The following SYNE2 variants were observed in gnomAD, a reference collection of about 807,000 sequenced individuals.
SYNE2 encodes spectrin repeat containing nuclear envelope protein 2.
A neutral mutation model predicts 856.3 loss-of-function variants in SYNE2; 431 were observed. That is an observed-to-expected ratio of 0.50 (90% CI 0.47 to 0.55). SYNE2 has a LOEUF of 0.55. Among genes scored for constraint, SYNE2 ranks in the 20% least tolerant of loss-of-function variants. SYNE2 has a pLI of 0.00. For missense variants in SYNE2, 8,129 were observed against 8,023.2 expected, an observed-to-expected ratio of 1.01 and a Z score of -0.50; for synonymous variants, 2,923 against 2,872.3, an observed-to-expected ratio of 1.02 and a Z score of -0.56.
chr14:63,950,553 T>TCA (rs537515162), intron 7 of SYNE2, among the ~76,000 whole-genome samples: 2,001 of 151,802 alleles, frequency 0.013, 41 homozygotes, highest in African/African-American at 0.045. Flanking sequence ...GAAACTCTTG[T>TCA]CACACACACA....
At chr14:64,175,246 T>G in intron 95 of SYNE2, 108 bp downstream of exon 95, 2 of 1,282,884 alleles carry the variant, frequency 1.6e-6, no homozygotes, top group Non-Finnish European at 2.2e-6. Context: ...GTATCATGAG[T>G]TTCCAACTCA....
chr14:64,047,998 A>C lies in SYNE2; in HGVS notation c.7222-2A>C. ...AGCAATTAATCTTTTTATGTATTTC[A>C]GGATTCAGCTGTGGAAATGGCTATG... On this transcript the variant is annotated splice_acceptor_variant, in intron 45 of 115. Coordinates refer to ENST00000555002, the MANE Select transcript of SYNE2 (RefSeq NM_182914.3). LOFTEE classifies it high-confidence loss of function. 1.2e-6 allele frequency: 2 copies of C among 1,613,540 alleles called. No individual in the cohort carries two copies. Among genetic ancestry groups the C allele is most frequent in the Non-Finnish European group, 1.7e-6 (2 of 1,179,662 alleles).
intron 2 of SYNE2, among the ~76,000 whole-genome samples, chr14:63,933,418 G>C (rs546057549): frequency 6.6e-6 from 1 of 152,310 alleles, no homozygotes; most frequent in East Asian, 1.9e-4. Context: ...TTTCAGTTTA[G>C]TTCCCTTCTG....
At chr14:64,074,318 G>T (rs116448712) in intron 53 of SYNE2, among the ~76,000 whole-genome samples, 182 bp downstream of exon 53, 1,654 of 152,310 alleles carry the variant, frequency 0.011, 29 homozygotes, top group African/African-American at 0.038. Flanking sequence ...GATCAGTGTG[G>T]CTGGAGAGCA....
chr14:63,867,884 C>T (rs562352070), intron 1 of SYNE2, among the ~76,000 whole-genome samples: 1 of 151,782 alleles, frequency 6.6e-6, no homozygotes, highest in East Asian at 1.9e-4. Flanking sequence ...ATAGCAAGAC[C>T]CCAACTCTTG....
chr14:64,178,603 C>T (rs2098444936), intron 96 of SYNE2, among the ~76,000 whole-genome samples: 1 of 152,126 alleles, frequency 6.6e-6, no homozygotes, highest in Admixed American at 6.5e-5. Flanking sequence ...AGAGTACAGG[C>T]ATGCACCGCC....
intron 58 of SYNE2, among the ~76,000 whole-genome samples, chr14:64,088,419 A>G (rs1222011008): frequency 2.6e-5 from 4 of 152,208 alleles, no homozygotes; most frequent in African/African-American, 9.6e-5. Context: ...TGTCAAAGAG[A>G]AATACTACTG....
chr14:64,043,329 T>C (rs1373816816), intron 45 of SYNE2, among the ~76,000 whole-genome samples: 2 of 152,108 alleles, frequency 1.3e-5, no homozygotes, highest in African/African-American at 2.4e-5. Flanking sequence ...AGTCTGACAA[T>C]ACGATAGAAA....
chr14:64,075,843 C>T, intron 53 of SYNE2, 102 bp from the exon 54 acceptor site: 1 of 1,324,650 alleles, frequency 7.5e-7, no homozygotes, highest in Non-Finnish European at 1.1e-6. Flanking sequence ...GCAAACTGCA[C>T]TCCTTTAAAT....
intron 99 of SYNE2, among the ~76,000 whole-genome samples, chr14:64,197,378 A>G (rs1164678910): frequency 2.0e-5 from 3 of 152,194 alleles, no homozygotes; most frequent in Non-Finnish European, 1.5e-5. Flanking sequence ...TGCTTTAAAG[A>G]GGCAATGAGC....
chr14:63,953,498 C>T (rs1480237208), intron 7 of SYNE2, among the ~76,000 whole-genome samples: 2 of 150,752 alleles, frequency 1.3e-5, no homozygotes, highest in Non-Finnish European at 2.9e-5. Context: ...AATACAATGG[C>T]TAGCTAATGA....
intron 1 of SYNE2, among the ~76,000 whole-genome samples, chr14:63,867,398 AG>A (rs547467139): frequency 0.016 from 2,023 of 126,082 alleles, 41 homozygotes; most frequent in African/African-American, 0.055. Context: ...AAAAAAAAAA[AG>A]AGAGAGAGAG....
chr14:63,885,587 T>G (rs1227094997), intron 1 of SYNE2, among the ~76,000 whole-genome samples: 3 of 152,052 alleles, frequency 2.0e-5, no homozygotes, highest in African/African-American at 7.2e-5. Flanking sequence ...CTGAAGTTAC[T>G]TGTTCTATTT....
intron 2 of SYNE2, among the ~76,000 whole-genome samples, chr14:63,915,997 G>A (rs1045564228): frequency 6.6e-6 from 1 of 151,898 alleles, no homozygotes; most frequent in Non-Finnish European, 1.5e-5. Context: ...ATCATGCACA[G>A]TGGTCTAGGT....
At chr14:64,170,090 A>C in intron 93 of SYNE2, 138 bp from the exon 94 acceptor site, 1 of 798,874 alleles carries the variant, frequency 1.3e-6, no homozygotes, top group Admixed American at 2.0e-5. Flanking sequence ...ATTGAATAGC[A>C]CTCAGGTGTT....
chr14:64,002,603 TAAACTC>T, intron 29 of SYNE2, 111 bp from the exon 30 acceptor site: 8 of 1,178,848 alleles, frequency 6.8e-6, no homozygotes, highest in Non-Finnish European at 9.5e-6. Context: ...CACCTTTTGT[TAAACTC>T]AAAAGCATTT....
chr14:63,894,374 G>T (rs1457083932), intron 1 of SYNE2, among the ~76,000 whole-genome samples: 3 of 151,972 alleles, frequency 2.0e-5, no homozygotes, highest in African/African-American at 7.3e-5. Flanking sequence ...GCTCCACCAT[G>T]CCCTGCTAAT....
chr14:64,169,078 C>T, intron 93 of SYNE2, 107 bp downstream of exon 93: 1 of 847,378 alleles, frequency 1.2e-6, no homozygotes, highest in African/African-American at 1.7e-5. Flanking sequence ...TGCCCTGTGC[C>T]CTGTTGGTTG....
intron 107 of SYNE2, chr14:64,215,566 C>T (rs1006406787): frequency 3.3e-6 from 2 of 608,322 alleles, no homozygotes; most frequent in Non-Finnish European, 5.8e-6. Context: ...TCGATGCCAA[C>T]CCCCTCTCCT....
Sources: allele counts gnomAD v4.1 joint callset (sites outside exome capture counted in the v4.1 genomes callset), GRCh38; gene constraint gnomAD v4.1.1; transcripts MANE v1.5; gene names NCBI Gene and HGNC (gene_info 2026-07-23, HGNC 2026-07-21).